The following DENND5B variants were observed in gnomAD, a reference collection of about 807,000 sequenced individuals.
The protein encoded by DENND5B is DENN domain containing 5B, also known as DENN domain-containing protein 5B.
Under a neutral mutation model 140.6 loss-of-function variants are expected in DENND5B, and 34 were observed. That is an observed-to-expected ratio of 0.24 (90% CI 0.18 to 0.32). The LOEUF (loss-of-function observed/expected upper bound fraction) is 0.32, where lower values mean the gene tolerates loss of function less well. Ranked by LOEUF, DENND5B falls within the 10% of genes least tolerant of loss-of-function variation. The pLI, the probability that DENND5B is intolerant of heterozygous loss-of-function variation, is 1.00. For synonymous variants in DENND5B, 551 were observed against 562.1 expected (o/e 0.98, Z 0.28); for missense variants, 1,142 against 1,560.2 (o/e 0.73, Z 4.52).
chr12:31,574,986 G>A (rs777783685), intron 1 of DENND5B, among the ~76,000 whole-genome samples: 5 of 152,154 alleles, frequency 3.3e-5, no homozygotes, highest in Non-Finnish European at 5.9e-5. Context: ...TGAAATCACA[G>A]TCATTGTTCT....
At chr12:31,483,601 T>A (rs1313674387) in intron 2 of DENND5B, among the ~76,000 whole-genome samples, 1 of 151,714 alleles carries the variant, frequency 6.6e-6, no homozygotes, top group Non-Finnish European at 1.5e-5. Context: ...CCACTGCACC[T>A]GGCTAATTTC....
chr12:31,412,458 A>G (rs974136076), intron 13 of DENND5B, among the ~76,000 whole-genome samples: 3 of 152,172 alleles, frequency 2.0e-5, no homozygotes, highest in Non-Finnish European at 2.9e-5. Flanking sequence ...ACCTCATATC[A>G]TCAGTCATTA....
intron 1 of DENND5B, among the ~76,000 whole-genome samples, chr12:31,507,888 A>G (rs999988063): frequency 1.3e-5 from 2 of 152,228 alleles, no homozygotes; most frequent in African/African-American, 4.8e-5. Context: ...CTCTTATAGA[A>G]AACACATTAT....
chr12:31,430,300 G>T (rs963240893), intron 8 of DENND5B, among the ~76,000 whole-genome samples: 1 of 148,722 alleles, frequency 6.7e-6, no homozygotes, highest in Non-Finnish European at 1.5e-5. Context: ...TGGGATTAAA[G>T]GTGTAAGCCA....
intron 3 of DENND5B, among the ~76,000 whole-genome samples, chr12:31,472,303 C>T (rs895451489): frequency 1.3e-5 from 2 of 151,886 alleles, no homozygotes; most frequent in African/African-American, 2.4e-5. Context: ...AAACAAAAGT[C>T]TTTTTTGAGA....
In DENND5B at chr12:31,433,180, A is replaced by G. The variant is rs762706484; in HGVS notation, c.2081T>C (p.Val694Ala). 6.2e-7 allele frequency: 1 copy of G among 1,613,974 alleles called. No individual in the cohort carries two copies. Among genetic ancestry groups the G allele is most frequent in the South Asian group, 1.1e-5 (1 of 91,080 alleles). Residue 694 changes from valine (V) to alanine (A), a missense_variant, in exon 8 of 21, where the codon GTT (valine) becomes GCT (alanine). Val to Ala is a moderately conservative substitution (Grantham distance 64, BLOSUM62 0). Transcript: ENST00000389082. ...KERLRQHSEH[V>A]GLDNDLREKY... ...CTCCCTCAAGTCGTTGTCCAGCCCA[A>G]CATGCTCAGAATGCTGGCGAAGGCG...
rs1248319662 is a variant in DENND5B, at chr12:31,382,411, G to A, written c.*5192C>T. ...AAAAAATCCAGTTCTGATGCATTTT[G>A]CTAACAATACAAAGAAAAACAATAT... is the stretch of plus-strand genomic sequence containing the variant. On this transcript the variant is annotated 3_prime_UTR_variant, in exon 21 of 21. Transcript: ENST00000389082. 6.6e-6 allele frequency: 1 copy of A among 151,864 alleles called. No individual in the cohort carries two copies. The highest frequency in any genetic ancestry group is 1.5e-5 in the Non-Finnish European group (1 of 67,986). 9.4% of individuals were successfully genotyped at this position (151,864 alleles called of 1,614,324 possible).
chr12:31,432,266 G>C, intron 8 of DENND5B: 71 of 243,658 alleles, frequency 2.9e-4, no homozygotes, highest in Middle Eastern at 2.2e-3. Flanking sequence ...AGAGAGGGAA[G>C]GGAAGAAAAT....
At chr12:31,559,715 GAAGA>G (rs1342166302) in intron 1 of DENND5B, among the ~76,000 whole-genome samples, 2 of 151,754 alleles carry the variant, frequency 1.3e-5, no homozygotes, top group African/African-American at 4.8e-5. Context: ...AATAGTGAAA[GAAGA>G]AATAAAAGAA....
chr12:31,476,131 AAAAAAATAAAAAT>A (rs1175398437), intron 3 of DENND5B, among the ~76,000 whole-genome samples: 2 of 152,012 alleles, frequency 1.3e-5, no homozygotes, highest in Non-Finnish European at 2.9e-5. Context: ...GTCTCAATAA[AAAAAAATAAAAAT>A]AAAAAATAAA....
At chr12:31,508,006 CATTTT>C (rs1448934294) in intron 1 of DENND5B, among the ~76,000 whole-genome samples, 11 of 152,158 alleles carry the variant, frequency 7.2e-5, no homozygotes, top group African/African-American at 2.7e-4. Context: ...ATCCATGTCA[CATTTT>C]ATTATTCAAT....
chr12:31,419,145 G>A (rs1458672965), intron 11 of DENND5B, among the ~76,000 whole-genome samples: 1 of 152,198 alleles, frequency 6.6e-6, no homozygotes. Context: ...CCAGCTAGAA[G>A]AGAATTTTAT....
chr12:31,487,775 A>G (rs144763318), intron 2 of DENND5B, among the ~76,000 whole-genome samples: 1 of 152,356 alleles, frequency 6.6e-6, no homozygotes, highest in African/African-American at 2.4e-5. Context: ...ATTGTAGTCA[A>G]TAAAGATTGT....
At chr12:31,395,363 G>A (rs1179250254) in intron 17 of DENND5B, among the ~76,000 whole-genome samples, 1 of 152,206 alleles carries the variant, frequency 6.6e-6, no homozygotes, top group African/African-American at 2.4e-5. Flanking sequence ...GGAGGTCAAG[G>A]TGGGAGGATC....
chr12:31,524,632 G>T (rs1293764971), intron 1 of DENND5B, among the ~76,000 whole-genome samples: 1 of 151,848 alleles, frequency 6.6e-6, no homozygotes, highest in Non-Finnish European at 1.5e-5. Flanking sequence ...CAGCCTCGGC[G>T]ACAGAGCCAT....
chr12:31,418,303 T>C (rs1409708628), intron 11 of DENND5B, among the ~76,000 whole-genome samples: 2 of 124,814 alleles, frequency 1.6e-5, no homozygotes, highest in South Asian at 2.6e-4. Context: ...TTTTTTGAGA[T>C]AGGGTCTCAC....
chr12:31,437,499 G>A (rs1482258465), intron 7 of DENND5B, among the ~76,000 whole-genome samples: 2 of 152,168 alleles, frequency 1.3e-5, no homozygotes, highest in African/African-American at 2.4e-5. Context: ...TAGGTTTACA[G>A]ATGTTCATCA....
chr12:31,399,578 C>T, intron 16 of DENND5B, 76 bp downstream of exon 16: 1 of 1,235,174 alleles, frequency 8.1e-7, no homozygotes, highest in Non-Finnish European at 1.1e-6. Context: ...TGTGCCTGGC[C>T]TACAATTCTT....
At chr12:31,519,056 G>A (rs1452053001) in intron 1 of DENND5B, among the ~76,000 whole-genome samples, 1 of 152,204 alleles carries the variant, frequency 6.6e-6, no homozygotes, top group Non-Finnish European at 1.5e-5. Flanking sequence ...GTTCATGAGA[G>A]TAAAAGTGGG....
Sources: gnomAD v4.1 joint callset for allele counts (sites outside exome capture counted in the v4.1 genomes callset) on GRCh38, gnomAD v4.1.1 for gene constraint, MANE v1.5 for transcripts, NCBI Gene and HGNC (gene_info 2026-07-23, HGNC 2026-07-21) for gene names.